The following CSMD3 variants were observed in gnomAD, a reference collection of about 807,000 sequenced individuals.
CSMD3 encodes the protein CUB and Sushi multiple domains 3.
In CSMD3, 177 loss-of-function variants were observed where a neutral mutation model predicts 435.2. The observed-to-expected ratio is 0.41, with a 90% CI of 0.36 to 0.46. The LOEUF is 0.46. Among genes scored for constraint, CSMD3 ranks in the 20% least tolerant of loss-of-function variants. The pLI, the probability that CSMD3 is intolerant of heterozygous loss-of-function variation, is 0.34. For synonymous variants in CSMD3, 1,656 were observed against 1,520.5 expected (o/e 1.09, Z -2.07); for missense variants, 4,265 against 4,504.6 (o/e 0.95, Z 1.52).
intron 15 of CSMD3, 28 bp downstream of exon 15, chr8:112,685,378 T>TG: frequency 6.4e-7 from 1 of 1,566,250 alleles, no homozygotes; most frequent in South Asian, 1.1e-5. Context: ...ATATATTATA[T>TG]GGGAAAAAAA....
chr8:112,937,353 T>TG (rs1564125101), intron 9 of CSMD3, among the ~76,000 whole-genome samples: 1 of 37,800 alleles, frequency 2.6e-5, no homozygotes, highest in Non-Finnish European at 5.5e-5. Flanking sequence ...GGTAATAATG[T>TG]TTTTTTTTTT....
chr8:112,644,258 G>A (rs1263272474), intron 20 of CSMD3, among the ~76,000 whole-genome samples: 1 of 151,628 alleles, frequency 6.6e-6, no homozygotes, highest in Non-Finnish European at 1.5e-5. Flanking sequence ...TGATAAATTT[G>A]AAATACATAC....
intron 1 of CSMD3, among the ~76,000 whole-genome samples, chr8:113,403,877 G>A (rs952424437): frequency 6.6e-6 from 1 of 151,370 alleles, no homozygotes; most frequent in Non-Finnish European, 1.5e-5. Flanking sequence ...GATGTTTCAT[G>A]TATGGCCAAA....
At chr8:112,893,174 G>T (rs191729037) in intron 10 of CSMD3, among the ~76,000 whole-genome samples, 1 of 151,250 alleles carries the variant, frequency 6.6e-6, no homozygotes, top group East Asian at 2.0e-4. Context: ...TATGTACCAG[G>T]CACTGTATGC....
At chr8:112,371,849 C>G (rs74922748) in intron 38 of CSMD3, among the ~76,000 whole-genome samples, 5,728 of 151,702 alleles carry the variant, frequency 0.038, 356 homozygotes, top group African/African-American at 0.13. Flanking sequence ...GATCACGCAC[C>G]ATTGCACTCC....
At chr8:112,513,509 C>T (rs1279008731) in intron 28 of CSMD3, among the ~76,000 whole-genome samples, 1 of 151,996 alleles carries the variant, frequency 6.6e-6, no homozygotes, top group Non-Finnish European at 1.5e-5. Flanking sequence ...AAAACAATTA[C>T]AATAGTAACA....
intron 10 of CSMD3, among the ~76,000 whole-genome samples, chr8:112,909,018 T>C (rs1317502015): frequency 6.6e-6 from 1 of 151,548 alleles, no homozygotes; most frequent in Non-Finnish European, 1.5e-5. Flanking sequence ...TATCTAAAGG[T>C]TTTCTTGTCT....
intron 38 of CSMD3, among the ~76,000 whole-genome samples, chr8:112,362,746 T>A (rs1246572644): frequency 1.1e-4 from 17 of 151,980 alleles, no homozygotes; most frequent in Admixed American, 1.1e-3. Context: ...CTTTGTTTAA[T>A]TAGATAATTG....
rs2076989372 is a variant in CSMD3 at position 112,727,434 on chromosome 8, TA to T, written c.1973-37385del. ...AACTCTGTCTAGTGTGTGAACAAGA[TA>T]TTTTCTGTTGAATTAAACTAACAAA... On this transcript the variant is annotated intron_variant, in intron 13 of 70. Coordinates refer to ENST00000297405, the MANE Select transcript of CSMD3 (RefSeq NM_198123.2). Among the ~76,000 whole-genome samples the T allele has an allele frequency of 2.0e-5, 3 of 151,988 alleles. No individual in the cohort carries two copies. In the South Asian group the frequency reaches 6.2e-4, roughly 31 times the overall value.
chr8:113,149,972 G>A (rs2091767410), intron 4 of CSMD3, among the ~76,000 whole-genome samples: 1 of 151,750 alleles, frequency 6.6e-6, no homozygotes, highest in African/African-American at 2.4e-5. Context: ...ATGTGAGAAA[G>A]ATTTTTTTTT....
intron 1 of CSMD3, among the ~76,000 whole-genome samples, chr8:113,373,968 A>T (rs1027135756): frequency 3.9e-5 from 6 of 152,112 alleles, no homozygotes; most frequent in Non-Finnish European, 5.9e-5. Flanking sequence ...GTGAATTAAC[A>T]TTTAACTGAA....
At chr8:112,592,537 T>C (rs1317168829) in intron 22 of CSMD3, among the ~76,000 whole-genome samples, 1 of 152,076 alleles carries the variant, frequency 6.6e-6, no homozygotes, top group Non-Finnish European at 1.5e-5. Flanking sequence ...ATAATCATTT[T>C]TTACCATACA....
chr8:112,295,559 A>C (rs1170580305), intron 54 of CSMD3, among the ~76,000 whole-genome samples: 1 of 151,786 alleles, frequency 6.6e-6, no homozygotes, highest in African/African-American at 2.4e-5. Flanking sequence ...TGTGTCTTCC[A>C]TATAAGAATA....
chr8:113,022,148 GA>G (rs2086705417), intron 5 of CSMD3, among the ~76,000 whole-genome samples: 1 of 152,042 alleles, frequency 6.6e-6, no homozygotes, highest in Non-Finnish European at 1.5e-5. Flanking sequence ...ATGTTATCAG[GA>G]AAACCAGGAA....
chr8:112,830,442 T>C (rs1314798077), intron 11 of CSMD3, among the ~76,000 whole-genome samples: 1 of 152,162 alleles, frequency 6.6e-6, no homozygotes, highest in Admixed American at 6.5e-5. Flanking sequence ...TACTCATGTA[T>C]CCATATATTG....
At chr8:113,324,697 C>T (rs2093971948) in intron 1 of CSMD3, among the ~76,000 whole-genome samples, 1 of 152,160 alleles carries the variant, frequency 6.6e-6, no homozygotes, top group African/African-American at 2.4e-5. Context: ...GCACCACCTA[C>T]TGGAGCTGTG....
chr8:112,304,490 A>G (rs1192290768), intron 52 of CSMD3, among the ~76,000 whole-genome samples: 2 of 152,098 alleles, frequency 1.3e-5, no homozygotes, highest in African/African-American at 4.8e-5. Flanking sequence ...TAGATCAACA[A>G]TTCAAACACT....
intron 12 of CSMD3, among the ~76,000 whole-genome samples, chr8:112,811,362 CT>C (rs1257477857): frequency 6.6e-6 from 1 of 151,640 alleles, no homozygotes; most frequent in Non-Finnish European, 1.5e-5. Flanking sequence ...GTTGTAGATG[CT>C]TTCTTTTTCT....
chr8:112,459,533 A>G (rs1261465169), intron 32 of CSMD3, among the ~76,000 whole-genome samples: 1 of 152,134 alleles, frequency 6.6e-6, no homozygotes, highest in Admixed American at 6.6e-5. Context: ...GTACATGTAA[A>G]TGTTTCAAAA....
Sources: gnomAD v4.1 joint callset for allele counts (sites outside exome capture counted in the v4.1 genomes callset) on GRCh38, gnomAD v4.1.1 for gene constraint, MANE v1.5 for transcripts, NCBI Gene and HGNC (gene_info 2026-07-23, HGNC 2026-07-21) for gene names.